The following GLMP variants were observed in gnomAD, a reference collection of about 807,000 sequenced individuals.
GLMP encodes the protein kidney lysosomal membrane protein.
A neutral mutation model predicts 39.2 loss-of-function variants in GLMP; 36 were observed. That is an observed-to-expected ratio of 0.92 (90% CI 0.70 to 1.21). The LOEUF is 1.21. GLMP is among the 50% of genes most tolerant of loss of function. GLMP has a pLI of 0.00. For missense variants in GLMP, 454 were observed against 505.6 expected, an observed-to-expected ratio of 0.90 and a Z score of 0.98; for synonymous variants, 220 against 218.9, an observed-to-expected ratio of 1.01 and a Z score of -0.04.
chr1:156,293,077 G>A lies in GLMP; in HGVS notation c.1188C>T (p.His396=). ...TGGACTGGTACTCTGAGTACTTCTT[G>A]TGGTGCAGCAGCAGAACCAAGCCGC... is the stretch of plus-strand genomic sequence containing the variant. ...LGGGLVLLLH[H]KKYSEYQSIN is the part of the protein sequence containing the mutation. The change falls in exon 6 of 6, where the codon CAC becomes CAT. Residue 396 remains histidine, a synonymous_variant. Transcript: ENST00000362007. 6.2e-7 allele frequency: 1 copy of A among 1,614,130 alleles called. No individual in the cohort carries two copies. Among genetic ancestry groups the A allele is most frequent in the African/African-American group, 1.3e-5 (1 of 75,006 alleles).
Position 156,293,442 on chromosome 1 carries a change from G to C in GLMP, c.933C>G (p.Tyr311Ter). Residue 311 changes from tyrosine (Y) to a stop codon, truncating the protein, a stop_gained, in exon 5 of 6, where the codon TAC (tyrosine) becomes TAG (stop). Coordinates refer to ENST00000362007, the MANE Select transcript of GLMP (RefSeq NM_144580.3). LOFTEE classifies it high-confidence loss of function. ...QASPLHPALAYSLPQSPIVRA... is the reference protein window; with the variant it reads ...QASPLHPALA Reference sequence around the variant, plus strand: ...GGACAATGGGTGACTGGGGAAGAGAGTATGCTAAGGCAGGATGAAGAGGGG... The same window carrying C: ...GGACAATGGGTGACTGGGGAAGAGACTATGCTAAGGCAGGATGAAGAGGGG... 6.2e-7 allele frequency: 1 copy of C among 1,614,220 alleles called. No individual in the cohort carries two copies. The highest frequency in any genetic ancestry group is 8.5e-7 in the Non-Finnish European group (1 of 1,180,034).
rs1339314973 is a variant in GLMP at position 156,293,480 on chromosome 1, G to T, written c.895C>A (p.Pro299Thr). The change falls in exon 5 of 6, where the codon CCC (proline) becomes ACC (threonine). Residue 299 changes from proline (P) to threonine (T), a missense_variant. By Grantham distance (38) the Pro-to-Thr change is conservative (BLOSUM62 -1). Coordinates refer to ENST00000362007, the MANE Select transcript of GLMP (RefSeq NM_144580.3). The stretch of plus-strand genomic sequence containing the variant: ...GGATGAAGAGGGGAAGCTTGGCAGG[G>T]CAGGGCTGATTCTCGGCCCCCCGGC... ...QKPGGRESAL[P>T]CQASPLHPAL... 6.2e-7 allele frequency: 1 copy of T among 1,614,196 alleles called. No individual in the cohort carries two copies. The highest frequency in any genetic ancestry group is 1.7e-5 in the Admixed American group (1 of 60,022).
chr1:156,293,772 G>T, intron 4 of GLMP, 196 bp from the exon 5 acceptor site: 1 of 1,491,118 alleles, frequency 6.7e-7, no homozygotes, highest in Non-Finnish European at 9.1e-7. Flanking sequence ...TCCAAGTCTG[G>T]ACTCAGCCCT....
chr1:156,293,911 G>T, intron 4 of GLMP, 107 bp downstream of exon 4: 1 of 1,382,986 alleles, frequency 7.2e-7, no homozygotes, highest in South Asian at 1.2e-5. Context: ...GCTCTTAAAC[G>T]ACCCAAAGAA....
Position 156,293,354 on chromosome 1 carries a change from C to A in GLMP, c.1021G>T (p.Gly341Cys). ...AFNLTFGAST[G>C]PGYWDQHYLS... ...TAGTGTTGGTCCCAATAGCCAGGGC[C>A]TGTGGAAGCCCCGAACGTCAGATTG... Residue 341 changes from glycine to cysteine, a missense_variant, in exon 5 of 6, where the codon GGC becomes TGC. Transcript: ENST00000362007. 1 of 1,614,198 alleles carries A rather than the reference C, an allele frequency of 6.2e-7. No individual in the cohort carries two copies. The highest frequency in any genetic ancestry group is 8.5e-7 in the Non-Finnish European group (1 of 1,180,040).
rs116279923 is a variant in GLMP at position 156,295,459 on chromosome 1, G to A, written c.120+67C>T. 5.2e-4 allele frequency: 738 copies of A among 1,427,922 alleles called. 5 individuals are homozygous for A. In the African/African-American group the frequency reaches 9.9e-3, roughly 19 times the overall value. 88.5% of individuals were successfully genotyped at this position (1,427,922 alleles called of 1,614,324 possible). A position where few individuals can be genotyped will look rare whatever the true frequency, so the allele number is the denominator to read the frequency against. On this transcript the variant is annotated intron_variant, in intron 1 of 5. Coordinates refer to ENST00000362007, the MANE Select transcript of GLMP (RefSeq NM_144580.3). Reference sequence around the variant, plus strand: ...CTCCACCCCTAGCCCCTGGATGCCCGGTTCCAGCCACCCTGCAAGGGTAGC... The same window carrying A: ...CTCCACCCCTAGCCCCTGGATGCCCAGTTCCAGCCACCCTGCAAGGGTAGC...
chr1:156,293,629 C>A, intron 4 of GLMP, 53 bp from the exon 5 acceptor site: 1 of 1,607,538 alleles, frequency 6.2e-7, no homozygotes, highest in Non-Finnish European at 8.5e-7. Context: ...TGTGCCCGAC[C>A]CTCTTTTCCT....
At chr1:156,295,204 A>T in intron 1 of GLMP, 188 bp from the exon 2 acceptor site, 1 of 1,051,520 alleles carries the variant, frequency 9.5e-7, no homozygotes, top group Non-Finnish European at 1.3e-6. Context: ...CAGGATGAAA[A>T]GGGGTAGGGT....
Position 156,294,378 on chromosome 1 carries a change from C to T in GLMP, c.566G>A (p.Ser189Asn). ...CTCACGCCTTACCCTGAAGGCCAGG[C>T]TGCCATTGGCAAAAGTCCTGGTAGG... Reference protein sequence around the residue: ...NDPTRTFANGSLAFRVQAFSR... With the variant: ...NDPTRTFANGNLAFRVQAFSR... The change falls in exon 3 of 6, where the codon AGC becomes AAC. Residue 189 changes from serine (S) to asparagine (N), a missense_variant. By Grantham distance (46) the Ser-to-Asn change is conservative. Coordinates refer to ENST00000362007, the MANE Select transcript of GLMP (RefSeq NM_144580.3). 6.2e-7 allele frequency: 1 copy of T among 1,614,198 alleles called. No individual in the cohort carries two copies. Among genetic ancestry groups the T allele is most frequent in the Non-Finnish European group, 8.5e-7 (1 of 1,180,034 alleles).
At position 156,293,210 on chromosome 1, in the gene GLMP, C is replaced by A. The variant is rs746219534; in HGVS notation, c.1056-1G>T. ...GAAGCCCACACCCAGGAGCATCGAC[C>A]TAGAGCAAGCAGAGAGAGAGAGGTA... On this transcript the variant is annotated splice_acceptor_variant, in intron 5 of 5. Coordinates refer to ENST00000362007, the MANE Select transcript of GLMP (RefSeq NM_144580.3). LOFTEE classifies it high-confidence loss of function. The A allele has an allele frequency of 4.3e-6, 7 of 1,612,476 alleles. No individual in the cohort carries two copies. Among genetic ancestry groups the A allele is most frequent in the Non-Finnish European group, 5.9e-6 (7 of 1,179,092 alleles).
chr1:156,293,859 C>A, intron 4 of GLMP, 159 bp downstream of exon 4: 1 of 1,198,380 alleles, frequency 8.3e-7, no homozygotes, highest in Non-Finnish European at 1.2e-6. Flanking sequence ...TCTGTCTCCA[C>A]TGAGGGCAGA....
At position 156,294,943 on chromosome 1, in the gene GLMP, T is replaced by C. The variant is rs1663549349; in HGVS notation, c.194A>G (p.Asn65Ser). The C allele has an allele frequency of 1.9e-6, 3 of 1,604,286 alleles. No homozygotes were observed. The highest frequency in any genetic ancestry group is 2.6e-6 in the Non-Finnish European group (3 of 1,172,922). ...NLLHIRAVGTNSTLHYVWSSL... is the reference protein window; with the variant it reads ...NLLHIRAVGTSSTLHYVWSSL... ...GCTCCACACATAGTGCAGTGTGGAATTGGTGCCCACTGCCCGTATATGAAG... is the reference window on the plus strand; with the variant it reads ...GCTCCACACATAGTGCAGTGTGGAACTGGTGCCCACTGCCCGTATATGAAG... Residue 65 changes from asparagine to serine, a missense_variant, in exon 2 of 6, where the codon AAT becomes AGT. Transcript: ENST00000362007.
rs537039507 is a variant in GLMP at position 156,293,965 on chromosome 1, A to G, written c.798+53T>C. 1.0e-4 allele frequency: 158 copies of G among 1,584,054 alleles called. 1 individual carries two copies. Among genetic ancestry groups the G allele is most frequent in the South Asian group, 5.9e-4 (53 of 90,470 alleles). ...ATGGTTGAATGAGTTTTAGGTCCCAATGGTGTCCCACCTACATTCCTCACC... is the reference window on the plus strand; with the variant it reads ...ATGGTTGAATGAGTTTTAGGTCCCAGTGGTGTCCCACCTACATTCCTCACC... On this transcript the variant is annotated intron_variant, in intron 4 of 5. Coordinates refer to ENST00000362007, the MANE Select transcript of GLMP (RefSeq NM_144580.3).
At chr1:156,295,231 A>C in intron 1 of GLMP, 1 of 1,185,792 alleles carries the variant, frequency 8.4e-7, no homozygotes, top group Non-Finnish European at 1.1e-6. Context: ...TACAGCCAGG[A>C]CTCCCCTGAC....
Position 156,293,073 on chromosome 1 carries a change from T to A in GLMP, c.1192A>T (p.Lys398Ter). The change falls in exon 6 of 6, where the codon AAG becomes TAG. Residue 398 changes from lysine to a stop codon, truncating the protein, a stop_gained. Coordinates refer to ENST00000362007, the MANE Select transcript of GLMP (RefSeq NM_144580.3). LOFTEE classifies it high-confidence loss of function. ...TTTATGGACTGGTACTCTGAGTACT[T>A]CTTGTGGTGCAGCAGCAGAACCAAG... ...GGLVLLLHHK[K>*]YSEYQSIN The A allele has an allele frequency of 1.2e-6, 2 of 1,613,964 alleles. No homozygotes were observed. The highest frequency in any genetic ancestry group is 1.7e-6 in the Non-Finnish European group (2 of 1,179,990).
At chr1:156,295,368 C>T (rs1269626373) in intron 1 of GLMP, 158 bp downstream of exon 1, 14 of 1,398,582 alleles carry the variant, frequency 1.0e-5, no homozygotes, top group African/African-American at 7.4e-5. Flanking sequence ...TCCACAATCC[C>T]GTCCCATGAC....
rs1348412115 is a variant in GLMP, at chr1:156,295,024, A to G, written c.121-8T>C. On this transcript the variant is annotated splice_polypyrimidine_tract_variant and splice_region_variant and intron_variant, in intron 1 of 5. Coordinates refer to ENST00000362007, the MANE Select transcript of GLMP (RefSeq NM_144580.3). ...GATGACCTCCAGAGACACCTGGAAC[A>G]TGGAGTAGTGGAGGGTTGAGGGAAC... is the stretch of plus-strand genomic sequence containing the variant. 1 of 1,540,124 alleles carries G rather than the reference A, an allele frequency of 6.5e-7. No homozygotes were observed. Among genetic ancestry groups the G allele is most frequent in the Non-Finnish European group, 8.8e-7 (1 of 1,135,214 alleles).
chr1:156,293,243 T>G, intron 5 of GLMP, 34 bp from the exon 6 acceptor site: 13 of 1,610,594 alleles, frequency 8.1e-6, no homozygotes, highest in Non-Finnish European at 1.0e-5. Context: ...GTAAGCGGGC[T>G]TAGGAGGAAA....
At position 156,294,759 on chromosome 1, in the gene GLMP, C is replaced by A. The variant is rs990974614; in HGVS notation, c.378G>T (p.Arg126Ser). 3.2e-6 allele frequency: 5 copies of A among 1,549,196 alleles called. No individual in the cohort carries two copies. Among genetic ancestry groups the A allele is most frequent in the Non-Finnish European group, 4.4e-6 (5 of 1,146,360 alleles). Residue 126 changes from arginine (R) to serine (S), a missense_variant and splice_region_variant, in exon 2 of 6, where the codon AGG becomes AGT. By Grantham distance (110) the Arg-to-Ser change is moderately radical. Transcript: ENST00000362007. ...CTTGGTTCTCTCCCAACCTCCTCAC[C>A]CTGGTAAAAACAAGGGCAGAAGAAA... ...IQFSSALVFTRLLEFDSTNVS... is the reference protein window; with the variant it reads ...IQFSSALVFTSLLEFDSTNVS...
Sources: gnomAD v4.1 joint callset for allele counts on GRCh38, gnomAD v4.1.1 for gene constraint, MANE v1.5 for transcripts, NCBI Gene and HGNC (gene_info 2026-07-23, HGNC 2026-07-21) for gene names.